Variants in HCN1 observed in about 807,000 individuals in gnomAD.
HCN1 encodes hyperpolarization activated cyclic nucleotide gated potassium channel 1, also known as potassium/sodium hyperpolarization-activated cyclic nucleotide-gated channel 1.
HCN1 carries 13 observed loss-of-function variants against 78.9 expected under a neutral mutation model. The observed-to-expected ratio is 0.16, with a 90% CI of 0.11 to 0.26. HCN1 has a LOEUF of 0.26. Ranked by LOEUF, HCN1 falls within the 10% of genes least tolerant of loss-of-function variation. HCN1 has a pLI of 1.00. For synonymous variants in HCN1, 552 were observed against 455.5 expected (o/e 1.21, Z -2.70); for missense variants, 810 against 1,154.3 (o/e 0.70, Z 4.32).
At chr5:45,311,995 A>T (rs1406756091) in intron 5 of HCN1, among the ~76,000 whole-genome samples, 5 of 152,208 alleles carry the variant, frequency 3.3e-5, no homozygotes, top group African/African-American at 1.2e-4. Flanking sequence ...TGTTGTCAAG[A>T]AGAGTCCACG....
intron 6 of HCN1, among the ~76,000 whole-genome samples, chr5:45,286,855 C>T (rs956704746): frequency 6.6e-6 from 1 of 151,986 alleles, no homozygotes; most frequent in African/African-American, 2.4e-5. Flanking sequence ...TTAATATACA[C>T]TGAAAAATTG....
chr5:45,614,756 A>T (rs939806712), intron 2 of HCN1, among the ~76,000 whole-genome samples: 2 of 152,108 alleles, frequency 1.3e-5, no homozygotes, highest in Admixed American at 1.3e-4. Flanking sequence ...TTTGATACAT[A>T]TAAACAGTAC....
At chr5:45,393,853 G>T (rs1160286266) in intron 4 of HCN1, among the ~76,000 whole-genome samples, 4 of 152,154 alleles carry the variant, frequency 2.6e-5, no homozygotes, top group African/African-American at 4.8e-5. Flanking sequence ...TTATGTAAGA[G>T]GCTGTCTTCT....
Position 45,510,295 on chromosome 5 carries a change from G to T in HCN1, c.850-48288C>A, listed in dbSNP as rs974831852. ...TATGAGATTTCCATGCAGATAATAAGAAGTGAAGAACATTTTTTTCAGAAA... is the reference window on the plus strand; with the variant it reads ...TATGAGATTTCCATGCAGATAATAATAAGTGAAGAACATTTTTTTCAGAAA... On this transcript the variant is annotated intron_variant, in intron 2 of 7. Transcript: ENST00000303230. Among the ~76,000 whole-genome samples, 6 of 152,160 alleles carry T rather than the reference G, an allele frequency of 3.9e-5. No homozygotes were observed. In the South Asian group the frequency reaches 1.2e-3, roughly 32 times the overall value.
rs1744668049 is a variant in HCN1 at position 45,258,571 on chromosome 5, C to CT, written c.*3349dup. 1.3e-5 allele frequency: 2 copies of CT among 152,018 alleles called. No individual in the cohort carries two copies. Among genetic ancestry groups the CT allele is most frequent in the Admixed American group, 6.5e-5 (1 of 15,268 alleles). 9.4% of individuals were successfully genotyped at this position (152,018 alleles called of 1,614,324 possible). On this transcript the variant is annotated 3_prime_UTR_variant, in exon 8 of 8. Transcript: ENST00000303230. ...CTACTTATTCTCATTATGATAAACTCTATCTCAGGCTTTTAGGTATCATTT... is the reference window on the plus strand; with the variant it reads ...CTACTTATTCTCATTATGATAAACTCTTATCTCAGGCTTTTAGGTATCATTT...
In HCN1 at chr5:45,259,142, A is replaced by T. The variant is rs1024280777; in HGVS notation, c.*2779T>A. 2.0e-5 allele frequency: 3 copies of T among 152,064 alleles called. No homozygotes were observed. Among genetic ancestry groups the T allele is most frequent in the Non-Finnish European group, 2.9e-5 (2 of 67,930 alleles). The allele number at this position is 152,064 out of a possible 1,614,324, so 9.4% of individuals were successfully genotyped here. On this transcript the variant is annotated 3_prime_UTR_variant, in exon 8 of 8. Coordinates refer to ENST00000303230, the MANE Select transcript of HCN1 (RefSeq NM_021072.4). Reference sequence around the variant, plus strand: ...AATTGATTTTATGTGATTATCAAGTATAAGCTCTTGGAAATTTTATGATGT... The same window carrying T: ...AATTGATTTTATGTGATTATCAAGTTTAAGCTCTTGGAAATTTTATGATGT...
At chr5:45,508,270 T>C (rs1472957274) in intron 2 of HCN1, among the ~76,000 whole-genome samples, 1 of 152,168 alleles carries the variant, frequency 6.6e-6, no homozygotes, top group African/African-American at 2.4e-5. Flanking sequence ...AAGGCCACTG[T>C]ATCTTACTTT....
At chr5:45,425,086 A>G (rs1026500903) in intron 3 of HCN1, among the ~76,000 whole-genome samples, 4 of 152,218 alleles carry the variant, frequency 2.6e-5, no homozygotes, top group African/African-American at 9.6e-5. Context: ...GGCACACTGT[A>G]ACTGACAGCA....
chr5:45,262,700 T>A lies in HCN1; in HGVS notation c.1894A>T (p.Met632Leu). Residue 632 changes from methionine (M) to leucine (L), a missense_variant, in exon 8 of 8, where the codon ATG becomes TTG. Met to Leu is a conservative substitution (Grantham distance 15). Coordinates refer to ENST00000303230, the MANE Select transcript of HCN1 (RefSeq NM_021072.4). ...TTGATGGGAGCGATTGCCTGCACCA[T>A]CTCCCTGTCATGTTTCACAATCTGC... ...LKQIVKHDREMVQAIAPINYP... is the reference protein window; with the variant it reads ...LKQIVKHDRELVQAIAPINYP... 1 of 1,614,124 alleles carries A rather than the reference T, an allele frequency of 6.2e-7. No individual in the cohort carries two copies. Among genetic ancestry groups the A allele is most frequent in the South Asian group, 1.1e-5 (1 of 91,078 alleles).
rs190122432 is a variant in HCN1 at position 45,529,694 on chromosome 5, A to G, written c.850-67687T>C. Among the ~76,000 whole-genome samples the G allele has an allele frequency of 2.6e-5, 4 of 152,256 alleles. No individual in the cohort carries two copies. The East Asian group carries it at 7.7e-4, about 29-fold the overall frequency. On this transcript the variant is annotated intron_variant, in intron 2 of 7. Transcript: ENST00000303230. ...TGAATTTAAAAACAGATGAACATAA[A>G]TATTTTCTCAAAAGTTAAGGTCTTA...
At chr5:45,503,518 G>T (rs1742232245) in intron 2 of HCN1, among the ~76,000 whole-genome samples, 1 of 151,728 alleles carries the variant, frequency 6.6e-6, no homozygotes, top group Non-Finnish European at 1.5e-5. Context: ...TTTGAAGAAA[G>T]ACAATCCAAA....
intron 2 of HCN1, among the ~76,000 whole-genome samples, chr5:45,501,770 T>A (rs116757133): frequency 3.9e-5 from 6 of 152,260 alleles, no homozygotes; most frequent in African/African-American, 1.2e-4. Flanking sequence ...AGCATAGAGT[T>A]ATGATATGCC....
intron 6 of HCN1, among the ~76,000 whole-genome samples, chr5:45,293,438 G>A (rs545121023): frequency 3.9e-5 from 6 of 151,982 alleles, no homozygotes; most frequent in South Asian, 4.2e-4. Context: ...AGAAGGTCAA[G>A]GCTGAGGTGA....
chr5:45,597,983 T>C (rs1300823228), intron 2 of HCN1, among the ~76,000 whole-genome samples: 1 of 152,102 alleles, frequency 6.6e-6, no homozygotes, highest in African/African-American at 2.4e-5. Context: ...AAAATGGCCA[T>C]ACTGCCCAAG....
At chr5:45,325,121 A>G (rs1746211483) in intron 5 of HCN1, among the ~76,000 whole-genome samples, 1 of 151,710 alleles carries the variant, frequency 6.6e-6, no homozygotes, top group African/African-American at 2.4e-5. Context: ...GCTCTGAGGT[A>G]GACAAGGAGA....
At chr5:45,342,532 G>T (rs1746608277) in intron 5 of HCN1, among the ~76,000 whole-genome samples, 1 of 151,852 alleles carries the variant, frequency 6.6e-6, no homozygotes, top group African/African-American at 2.4e-5. Flanking sequence ...GTGAGCCACT[G>T]CTCCCAGCTT....
At chr5:45,462,931 G>C (rs1032272588) in intron 2 of HCN1, among the ~76,000 whole-genome samples, 1 of 151,866 alleles carries the variant, frequency 6.6e-6, no homozygotes, top group African/African-American at 2.4e-5. Flanking sequence ...ACCTAGTCTA[G>C]AATAGCAAAA....
intron 7 of HCN1, among the ~76,000 whole-genome samples, chr5:45,264,500 T>A (rs1210132301): frequency 6.6e-6 from 1 of 152,310 alleles, no homozygotes; most frequent in South Asian, 2.1e-4. Flanking sequence ...TGAAGATAAA[T>A]ATGTATTGTA....
In HCN1 at chr5:45,303,797, G is replaced by A; in HGVS notation, c.1420C>T (p.Pro474Ser). The A allele has an allele frequency of 6.2e-7, 1 of 1,613,454 alleles. No homozygotes were observed. The highest frequency in any genetic ancestry group is 8.5e-7 in the Non-Finnish European group (1 of 1,179,590). The change falls in exon 6 of 8, where the codon CCT (proline) becomes TCT (serine). Residue 474 changes from proline to serine, a missense_variant. Pro to Ser is a moderately conservative substitution (Grantham distance 74). This residue lies in a region of HCN1 where 100 missense variants were observed against 126.8 expected (regional missense o/e 0.79). Coordinates refer to ENST00000303230, the MANE Select transcript of HCN1 (RefSeq NM_021072.4). ...FNCRKLVATM[P>S]LFANADPNFV... is the part of the protein sequence containing the mutation. ...TTAGGATCCGCATTAGCAAATAAAG[G>A]CATTGTAGCCACCAGTTTCCGACAG...
Sources: gnomAD v4.1 joint callset for allele counts (sites outside exome capture counted in the v4.1 genomes callset) on GRCh38, gnomAD v4.1.1 for gene constraint, gnomAD v4.1.1 regional missense constraint, MANE v1.5 for transcripts, NCBI Gene and HGNC (gene_info 2026-07-23, HGNC 2026-07-21) for gene names.